Variants in GKAP1 observed in about 807,000 individuals in gnomAD.
GKAP1 encodes G kinase-anchoring protein 1.
In GKAP1, 31 loss-of-function variants were observed where a neutral mutation model predicts 56.7. The ratio of observed to expected loss-of-function variants is 0.55; its 90% confidence interval spans 0.41 to 0.74. GKAP1 has a LOEUF of 0.74. Among genes scored for constraint, GKAP1 ranks in the 30% least tolerant of loss-of-function variants. The pLI is 0.00. For missense variants in GKAP1, 364 were observed against 402.3 expected (o/e 0.90, Z 0.82); for synonymous variants, 151 against 138.6 (o/e 1.09, Z -0.63).
intron 3 of GKAP1, among the ~76,000 whole-genome samples, chr9:83,805,513 T>C (rs916180634): frequency 5.9e-5 from 9 of 151,996 alleles, no homozygotes; most frequent in Non-Finnish European, 1.0e-4. Flanking sequence ...TATTGTAAAC[T>C]GTGGATTCAT....
At chr9:83,808,500 G>A (rs1465711521) in intron 2 of GKAP1, among the ~76,000 whole-genome samples, 1 of 152,122 alleles carries the variant, frequency 6.6e-6, no homozygotes, top group Non-Finnish European at 1.5e-5. Flanking sequence ...CAGAGGCTGA[G>A]GCATGAGAAT....
rs754477677 is a variant in GKAP1 at position 83,806,328 on chromosome 9, CCTT to C, written c.187_189del (p.Lys63del). On this transcript the variant is annotated inframe_deletion, in exon 3 of 13. Transcript: ENST00000376371. The stretch of plus-strand genomic sequence containing the variant: ...TCATTTGCTTCACTCTGTTGCTGTT[CCTT>C]CTTTTTTCTTCTTTTCTCTCTTTTT... 6.4e-7 allele frequency: 1 copy of C among 1,551,442 alleles called. No individual in the cohort carries two copies. The highest frequency in any genetic ancestry group is 8.7e-7 in the Non-Finnish European group (1 of 1,146,862).
intron 4 of GKAP1, among the ~76,000 whole-genome samples, chr9:83,789,596 C>T (rs543537680): frequency 1.6e-4 from 25 of 152,162 alleles, no homozygotes; most frequent in Non-Finnish European, 3.2e-4. Context: ...AAGTGCACTT[C>T]ATTCCAAAGT....
chr9:83,753,414 T>C, intron 8 of GKAP1, 55 bp from the exon 9 acceptor site: 2 of 1,140,390 alleles, frequency 1.8e-6, no homozygotes, highest in Non-Finnish European at 2.6e-6. Context: ...AATTCTGGTT[T>C]ATAGTATTCC....
chr9:83,748,626 T>C (rs924542181), intron 9 of GKAP1: 5 of 231,508 alleles, frequency 2.2e-5, no homozygotes, highest in Non-Finnish European at 4.2e-5. Context: ...AAACTCAAGA[T>C]AATACTAAAT....
At chr9:83,751,775 C>A (rs1237293814) in intron 9 of GKAP1, among the ~76,000 whole-genome samples, 3 of 148,822 alleles carry the variant, frequency 2.0e-5, no homozygotes, top group Non-Finnish European at 3.0e-5. Context: ...AAAAAAAAAA[C>A]CTAAGGGGAG....
intron 7 of GKAP1, among the ~76,000 whole-genome samples, chr9:83,776,827 T>C (rs1311500390): frequency 6.6e-6 from 1 of 152,222 alleles, no homozygotes; most frequent in African/African-American, 2.4e-5. Flanking sequence ...ATTTTAGAAA[T>C]CAACAGATCC....
chr9:83,774,330 G>T (rs1476124047), intron 7 of GKAP1, among the ~76,000 whole-genome samples: 3 of 151,780 alleles, frequency 2.0e-5, no homozygotes, highest in Non-Finnish European at 4.4e-5. Context: ...GGTCAGGCAC[G>T]GTGGCTCACG....
intron 5 of GKAP1, among the ~76,000 whole-genome samples, chr9:83,786,418 G>A (rs1294469201): frequency 6.6e-6 from 1 of 152,112 alleles, no homozygotes; most frequent in Non-Finnish European, 1.5e-5. Flanking sequence ...GCACATGCCT[G>A]TAATCCCAGC....
intron 5 of GKAP1, among the ~76,000 whole-genome samples, chr9:83,787,308 C>T (rs1161445009): frequency 1.3e-5 from 2 of 152,148 alleles, no homozygotes; most frequent in Non-Finnish European, 2.9e-5. Context: ...ATGATCATAG[C>T]TCACTGCATC....
chr9:83,788,919 A>G (rs926562062), intron 4 of GKAP1: 38 of 292,164 alleles, frequency 1.3e-4, no homozygotes, highest in South Asian at 1.1e-3. Flanking sequence ...ATTATATATG[A>G]TATAATCTTA....
intron 5 of GKAP1, among the ~76,000 whole-genome samples, chr9:83,786,275 G>A (rs1944061665): frequency 6.6e-6 from 1 of 152,192 alleles, no homozygotes; most frequent in African/African-American, 2.4e-5. Flanking sequence ...AGGCGCGGTG[G>A]CTCACGCCTG....
chr9:83,799,384 T>C (rs1345281531), intron 3 of GKAP1, 56 bp from the exon 4 acceptor site: 4 of 1,259,148 alleles, frequency 3.2e-6, no homozygotes, highest in African/African-American at 3.2e-5. Context: ...GGGATACTAA[T>C]GATTTTTTTA....
chr9:83,751,795 T>G (rs998654732), intron 9 of GKAP1, among the ~76,000 whole-genome samples: 1 of 151,830 alleles, frequency 6.6e-6, no homozygotes, highest in Non-Finnish European at 1.5e-5. Flanking sequence ...GAGGTAAGAT[T>G]TGTAGTTAAA....
chr9:83,774,231 C>T (rs947986626), intron 7 of GKAP1, among the ~76,000 whole-genome samples: 1 of 151,930 alleles, frequency 6.6e-6, no homozygotes, highest in Non-Finnish European at 1.5e-5. Context: ...CCTAAAACTA[C>T]AAGAATCCTA....
At chr9:83,791,022 T>C (rs1944148910) in intron 4 of GKAP1, among the ~76,000 whole-genome samples, 2 of 152,172 alleles carry the variant, frequency 1.3e-5, no homozygotes, top group African/African-American at 4.8e-5. Flanking sequence ...GAAGTCTTGT[T>C]AGATGTCATT....
intron 10 of GKAP1, among the ~76,000 whole-genome samples, chr9:83,744,337 C>T (rs893898372): frequency 1.3e-5 from 2 of 152,098 alleles, no homozygotes; most frequent in Non-Finnish European, 2.9e-5. Flanking sequence ...ATTTTATGAA[C>T]AGAGAAAACC....
intron 3 of GKAP1, among the ~76,000 whole-genome samples, chr9:83,803,058 G>A (rs536510709): frequency 2.8e-4 from 43 of 152,100 alleles, no homozygotes; most frequent in Middle Eastern, 6.8e-3. Flanking sequence ...GTAGTGAGCC[G>A]AGATCATACT....
rs146167213 is a variant in GKAP1 at position 83,812,314 on chromosome 9, T to C, written c.-44+4682A>G. 8.1e-3 allele frequency among the ~76,000 whole-genome samples: 1,181 copies of C among 146,704 alleles called. 23 individuals carry two copies. The highest frequency in any genetic ancestry group is 0.028 in the African/African-American group (1,129 of 40,516). On this transcript the variant is annotated intron_variant, in intron 2 of 12. Coordinates refer to ENST00000376371, the MANE Select transcript of GKAP1 (RefSeq NM_025211.4). ...ACGTATATATATACGTATACATATATATGTATATATACACACGTATATATA... is the reference window on the plus strand; with the variant it reads ...ACGTATATATATACGTATACATATACATGTATATATACACACGTATATATA...
Sources: gnomAD v4.1 joint callset for allele counts (sites outside exome capture counted in the v4.1 genomes callset) on GRCh38, gnomAD v4.1.1 for gene constraint, MANE v1.5 for transcripts, NCBI Gene and HGNC (gene_info 2026-07-23, HGNC 2026-07-21) for gene names.